The following MACROD2 variants were observed in gnomAD, a reference collection of about 807,000 sequenced individuals.
MACROD2 encodes mono-ADP ribosylhydrolase 2.
Under a neutral mutation model 70.4 loss-of-function variants are expected in MACROD2, and 36 were observed. The observed-to-expected ratio is 0.51, with a 90% confidence interval of 0.39 to 0.68. The LOEUF is 0.68. MACROD2 is among the 30% of genes least tolerant of loss of function. The pLI, the probability that MACROD2 is intolerant of heterozygous loss-of-function variation, is 0.00. For synonymous variants in MACROD2, 172 were observed against 178.8 expected, an observed-to-expected ratio of 0.96 and a Z score of 0.30; for missense variants, 496 against 538.4, an observed-to-expected ratio of 0.92 and a Z score of 0.78.
Position 14,746,275 on chromosome 20 carries a change from C to T in MACROD2, c.418+61316C>T, listed in dbSNP as rs529389846. Among the ~76,000 whole-genome samples the T allele has an allele frequency of 4.7e-4, 72 of 152,202 alleles. 1 individual carries two copies. Among genetic ancestry groups the T allele is most frequent in the African/African-American group, 1.6e-3 (67 of 41,528 alleles). On this transcript the variant is annotated intron_variant, in intron 5 of 17. Coordinates refer to ENST00000684519, the MANE Select transcript of MACROD2 (RefSeq NM_001351661.2). ...TCCTGCAGTTATCTTCTCCTGTGAC[C>T]GCTCATGTTTGCAGGCAAATATATT...
At chr20:14,207,092 A>T (rs1244113799) in intron 3 of MACROD2, among the ~76,000 whole-genome samples, 1 of 152,142 alleles carries the variant, frequency 6.6e-6, no homozygotes, top group Admixed American at 6.5e-5. Flanking sequence ...TGGAATCAAA[A>T]GCACAGGTAG....
chr20:14,597,366 A>G (rs1027078583), intron 4 of MACROD2, among the ~76,000 whole-genome samples: 14 of 152,158 alleles, frequency 9.2e-5, no homozygotes, highest in Admixed American at 5.2e-4. Context: ...CCATTTCTTA[A>G]TCTCTTAATT....
rs987615155 is a variant in MACROD2 at position 15,016,455 on chromosome 20, T to G, written c.419-213485T>G. Among the ~76,000 whole-genome samples, 4 of 152,182 alleles carry G rather than the reference T, an allele frequency of 2.6e-5. No homozygotes were observed. In the East Asian group the frequency reaches 5.8e-4, roughly 22 times the overall value. Reference sequence around the variant, plus strand: ...CTCATGTTGGAATGTGATCGCAATGTTAGAGGTAGAGCCTAGTCGGAGGAG... The same window carrying G: ...CTCATGTTGGAATGTGATCGCAATGGTAGAGGTAGAGCCTAGTCGGAGGAG... On this transcript the variant is annotated intron_variant, in intron 5 of 17. Coordinates refer to ENST00000684519, the MANE Select transcript of MACROD2 (RefSeq NM_001351661.2).
At chr20:14,712,428 G>T (rs1343809437) in intron 5 of MACROD2, among the ~76,000 whole-genome samples, 1 of 152,120 alleles carries the variant, frequency 6.6e-6, no homozygotes, top group Non-Finnish European at 1.5e-5. Context: ...GATACCGCGG[G>T]TTGGAACAGG....
At chr20:16,002,066 G>A (rs1460679709) in intron 15 of MACROD2, among the ~76,000 whole-genome samples, 3 of 151,472 alleles carry the variant, frequency 2.0e-5, no homozygotes, top group African/African-American at 7.3e-5. Flanking sequence ...ATACATGTGT[G>A]TATATACATA....
At chr20:14,453,476 T>C (rs989064824) in intron 3 of MACROD2, among the ~76,000 whole-genome samples, 9 of 152,212 alleles carry the variant, frequency 5.9e-5, no homozygotes, top group African/African-American at 2.2e-4. Context: ...ACTTAGGAAT[T>C]CTGTTGTAAT....
intron 8 of MACROD2, among the ~76,000 whole-genome samples, chr20:15,662,960 T>G (rs1406698211): frequency 6.9e-6 from 1 of 144,444 alleles, no homozygotes; most frequent in Non-Finnish European, 1.5e-5. Flanking sequence ...AAATAAGTCC[T>G]CGAATGTTTA....
At chr20:15,164,227 C>T (rs943554532) in intron 5 of MACROD2, among the ~76,000 whole-genome samples, 2 of 152,050 alleles carry the variant, frequency 1.3e-5, no homozygotes, top group Admixed American at 1.3e-4. Context: ...AATAAAAATA[C>T]AGCATAACAG....
At chr20:15,919,127 T>C (rs1220894927) in intron 10 of MACROD2, among the ~76,000 whole-genome samples, 2 of 152,154 alleles carry the variant, frequency 1.3e-5, no homozygotes, top group Non-Finnish European at 2.9e-5. Context: ...TTCCTTTACA[T>C]TTATCCAAAA....
intron 5 of MACROD2, among the ~76,000 whole-genome samples, chr20:14,986,720 G>A (rs1203648024): frequency 1.3e-5 from 2 of 152,146 alleles, no homozygotes; most frequent in African/African-American, 4.8e-5. Flanking sequence ...TAGGTAGTGG[G>A]CGATGGGGGA....
At chr20:15,433,733 T>G (rs1304641523) in intron 7 of MACROD2, among the ~76,000 whole-genome samples, 4 of 133,386 alleles carry the variant, frequency 3.0e-5, no homozygotes, top group Non-Finnish European at 6.3e-5. Flanking sequence ...ACAGCCTGCA[T>G]AGCCAAAGTA....
At chr20:14,203,567 T>A (rs2081498002) in intron 3 of MACROD2, among the ~76,000 whole-genome samples, 1 of 152,212 alleles carries the variant, frequency 6.6e-6, no homozygotes. Context: ...TATAATCATA[T>A]CCATAGTGTT....
intron 13 of MACROD2, among the ~76,000 whole-genome samples, chr20:15,983,434 T>C (rs1294265099): frequency 6.6e-6 from 1 of 152,176 alleles, no homozygotes; most frequent in Admixed American, 6.5e-5. Flanking sequence ...ACACATCTGC[T>C]TGGGGATGAA....
intron 8 of MACROD2, among the ~76,000 whole-genome samples, chr20:15,818,887 G>C: frequency 6.6e-6 from 1 of 151,860 alleles, no homozygotes; most frequent in East Asian, 1.9e-4. Flanking sequence ...GCTTTTTTTG[G>C]TTATGCATTC....
intron 5 of MACROD2, chr20:15,021,677 C>T (rs1339057339): frequency 6.6e-6 from 1 of 151,798 alleles, no homozygotes; most frequent in East Asian, 1.9e-4. Context: ...AATAAAAATA[C>T]CAGAAGTTGC....
In MACROD2 at chr20:14,210,547, GAGA is replaced by G. The variant is rs1169885518; in HGVS notation, c.271+124824_271+124826del. Among the ~76,000 whole-genome samples, 12 of 152,276 alleles carry G rather than the reference GAGA, an allele frequency of 7.9e-5. No homozygotes were observed. In the East Asian group the frequency reaches 2.3e-3, roughly 29 times the overall value. On this transcript the variant is annotated intron_variant, in intron 3 of 17. Coordinates refer to ENST00000684519, the MANE Select transcript of MACROD2 (RefSeq NM_001351661.2). ...GATGGAGGCCCTACACAGCAGTCCT[GAGA>G]AGAATTTTTTTTACTAATTCAGGAT...
intron 8 of MACROD2, among the ~76,000 whole-genome samples, chr20:15,597,254 T>C (rs1184515919): frequency 2.6e-5 from 4 of 152,212 alleles, no homozygotes; most frequent in African/African-American, 9.6e-5. Context: ...AGTCAAAAAC[T>C]TTCCTTGAAG....
intron 5 of MACROD2, among the ~76,000 whole-genome samples, chr20:15,004,735 CTA>C (rs1433064635): frequency 4.6e-5 from 7 of 152,054 alleles, no homozygotes; most frequent in Non-Finnish European, 8.8e-5. Context: ...AAAATGGAAA[CTA>C]TGTGCTCTAG....
At chr20:15,241,482 A>G (rs891101991) in intron 6 of MACROD2, among the ~76,000 whole-genome samples, 8 of 152,176 alleles carry the variant, frequency 5.3e-5, no homozygotes, top group Admixed American at 2.6e-4. Context: ...AAGGTGATAG[A>G]ACTGAGTAGA....
Sources: allele counts gnomAD v4.1 joint callset (sites outside exome capture counted in the v4.1 genomes callset), GRCh38; gene constraint gnomAD v4.1.1; transcripts MANE v1.5; gene names NCBI Gene and HGNC (gene_info 2026-07-23, HGNC 2026-07-21).